STK38L: variants seen among roughly 807,000 people sequenced by gnomAD.
The protein encoded by STK38L is serine/threonine kinase 38 like.
STK38L carries 28 observed loss-of-function variants against 59.7 expected under a neutral mutation model. The ratio of observed to expected loss-of-function variants is 0.47; its 90% confidence interval spans 0.35 to 0.64. STK38L has a LOEUF of 0.64. STK38L is among the 30% of genes least tolerant of loss of function. STK38L has a pLI of 0.01. For synonymous variants in STK38L, 162 were observed against 176.8 expected (o/e 0.92, Z 0.66); for missense variants, 314 against 555.8 (o/e 0.56, Z 4.37).
In STK38L at chr12:27,323,821, TTAATTC is replaced by T. The variant is rs1200145261; in HGVS notation, c.*1373_*1378del. The T allele has an allele frequency of 1.3e-5, 2 of 152,166 alleles. No individual in the cohort carries two copies. The highest frequency in any genetic ancestry group is 2.9e-5 in the Non-Finnish European group (2 of 67,978). The allele number at this position is 152,166 out of a possible 1,614,324, so 9.4% of individuals were successfully genotyped here. Reference sequence around the variant, plus strand: ...AAATAATCTTTTCTAGCTTAATATTTTAATTCTAATTCAAACAACTCTGAGGTTTTG... The same window carrying T: ...AAATAATCTTTTCTAGCTTAATATTTTAATTCAAACAACTCTGAGGTTTTG... On this transcript the variant is annotated 3_prime_UTR_variant, in exon 14 of 14. Coordinates refer to ENST00000389032, the MANE Select transcript of STK38L (RefSeq NM_015000.4).
chr12:27,254,408 C>T (rs573020153), intron 1 of STK38L, among the ~76,000 whole-genome samples: 1 of 152,208 alleles, frequency 6.6e-6, no homozygotes, highest in Non-Finnish European at 1.5e-5. Flanking sequence ...TCTGGTCCTC[C>T]TCTATCCTTG....
chr12:27,276,844 TTTTC>T (rs1013806843), intron 1 of STK38L, among the ~76,000 whole-genome samples: 12 of 152,212 alleles, frequency 7.9e-5, no homozygotes, highest in African/African-American at 2.9e-4. Flanking sequence ...TTACCTCAGA[TTTTC>T]TTTAAGTGAC....
At chr12:27,307,098 T>C (rs1006361803) in intron 3 of STK38L, among the ~76,000 whole-genome samples, 2 of 152,212 alleles carry the variant, frequency 1.3e-5, no homozygotes, top group Non-Finnish European at 1.5e-5. Context: ...ATAGTACCAT[T>C]GTATTTTATA....
chr12:27,266,981 T>A (rs1008263916), intron 1 of STK38L, among the ~76,000 whole-genome samples: 4 of 152,242 alleles, frequency 2.6e-5, no homozygotes, highest in Non-Finnish European at 4.4e-5. Context: ...GTAGAACACA[T>A]TGGACAAATG....
At chr12:27,261,791 C>T (rs1424474880) in intron 1 of STK38L, among the ~76,000 whole-genome samples, 2 of 152,140 alleles carry the variant, frequency 1.3e-5, no homozygotes, top group African/African-American at 2.4e-5. Flanking sequence ...AGCAGTAATG[C>T]CTGCTTCTTG....
intron 1 of STK38L, among the ~76,000 whole-genome samples, chr12:27,272,907 C>T (rs1166775129): frequency 6.6e-6 from 1 of 152,108 alleles, no homozygotes; most frequent in Non-Finnish European, 1.5e-5. Flanking sequence ...GTACTGAAAA[C>T]TTTGGCAGTT....
Position 27,322,999 on chromosome 12 carries a change from A to G in STK38L, c.*544A>G, listed in dbSNP as rs1944767055. ...ACAATTTCTGTAATGGTTTTAAGAG[A>G]TTTAAAAAGAAATTCACTGGTTCTT... On this transcript the variant is annotated 3_prime_UTR_variant, in exon 14 of 14. Coordinates refer to ENST00000389032, the MANE Select transcript of STK38L (RefSeq NM_015000.4). The G allele has an allele frequency of 6.6e-6, 1 of 152,184 alleles. No homozygotes were observed. Among genetic ancestry groups the G allele is most frequent in the Non-Finnish European group, 1.5e-5 (1 of 68,004 alleles). The allele number at this position is 152,184 out of a possible 1,614,324, so 9.4% of individuals were successfully genotyped here. A position where few individuals can be genotyped will look rare whatever the true frequency, so the allele number is the denominator to read the frequency against.
At chr12:27,300,529 C>G in intron 2 of STK38L, 2 of 456,034 alleles carry the variant, frequency 4.4e-6, no homozygotes, top group Non-Finnish European at 4.4e-6. Context: ...TAATGGTCCT[C>G]TTACTCTCTG....
intron 6 of STK38L, among the ~76,000 whole-genome samples, chr12:27,314,189 C>T (rs928821599): frequency 6.6e-6 from 1 of 151,990 alleles, no homozygotes; most frequent in African/African-American, 2.4e-5. Flanking sequence ...TAGCTTGAAA[C>T]CAGGAGTTTG....
intron 5 of STK38L, 113 bp from the exon 6 acceptor site, chr12:27,312,436 C>A: frequency 8.6e-7 from 1 of 1,169,254 alleles, no homozygotes; most frequent in Non-Finnish European, 1.2e-6. Flanking sequence ...ATCAAATCTT[C>A]TGAAACTCCA....
Position 27,308,218 on chromosome 12 carries a change from A to C in STK38L, c.187-121A>C. 1 of 918,208 alleles carries C rather than the reference A, an allele frequency of 1.1e-6. No individual in the cohort carries two copies. The highest frequency in any genetic ancestry group is 2.8e-5 in the South Asian group (1 of 36,328). The allele number at this position is 918,208 out of a possible 1,614,324, so 56.9% of individuals were successfully genotyped here. The stretch of plus-strand genomic sequence containing the variant: ...AGTTTTCTTTAAATTGTTTTAGCCT[A>C]ATAGTATATTACATATTAGTGCTAT... On this transcript the variant is annotated intron_variant, in intron 3 of 13. Transcript: ENST00000389032. This position sits in a 1 kb window ranked among gnomAD's most constrained non-coding sequence, Gnocchi z 4.5.
intron 1 of STK38L, among the ~76,000 whole-genome samples, chr12:27,255,781 T>C (rs1231964281): frequency 6.6e-6 from 1 of 152,196 alleles, no homozygotes. Flanking sequence ...ATAACTTCTC[T>C]GCAATGATGA....
intron 5 of STK38L, among the ~76,000 whole-genome samples, chr12:27,311,016 G>GATCTC (rs1944441613): frequency 6.6e-6 from 1 of 152,136 alleles, no homozygotes; most frequent in African/African-American, 2.4e-5. Flanking sequence ...AATACCAACT[G>GATCTC]ATCTCCTCAC....
intron 2 of STK38L, among the ~76,000 whole-genome samples, chr12:27,301,267 T>A (rs534887452): frequency 2.0e-5 from 3 of 152,124 alleles, no homozygotes; most frequent in Non-Finnish European, 4.4e-5. Context: ...AAAAAATATT[T>A]ATTTATTTAG....
At chr12:27,302,498 T>C (rs1591918800) in intron 3 of STK38L, 1 of 193,718 alleles carries the variant, frequency 5.2e-6, no homozygotes, top group Non-Finnish European at 1.0e-5. Flanking sequence ...AATATTCTTT[T>C]AAAGCTATCT....
chr12:27,249,392 G>A (rs549074494), intron 1 of STK38L, among the ~76,000 whole-genome samples: 23 of 152,164 alleles, frequency 1.5e-4, no homozygotes, highest in African/African-American at 4.6e-4. Context: ...AGGCTGGAGC[G>A]CAATGCATGA....
intron 3 of STK38L, among the ~76,000 whole-genome samples, chr12:27,303,946 T>C (rs992604277): frequency 3.3e-5 from 5 of 152,144 alleles, no homozygotes; most frequent in African/African-American, 7.2e-5. Flanking sequence ...TACTAGGCAA[T>C]AGGGAGTCAC....
chr12:27,296,304 G>A (rs997093854), intron 1 of STK38L, among the ~76,000 whole-genome samples: 2 of 152,172 alleles, frequency 1.3e-5, no homozygotes, highest in African/African-American at 2.4e-5. Flanking sequence ...CAAGTGACAC[G>A]ATCAGCTTCT....
At position 27,325,203 on chromosome 12, in the gene STK38L, C is replaced by T. The variant is rs1296212357; in HGVS notation, c.*2748C>T. 1 of 152,124 alleles carries T rather than the reference C, an allele frequency of 6.6e-6. No individual in the cohort carries two copies. Among genetic ancestry groups the T allele is most frequent in the African/African-American group, 2.4e-5 (1 of 41,444 alleles). The allele number at this position is 152,124 out of a possible 1,614,324, so 9.4% of individuals were successfully genotyped here. On this transcript the variant is annotated 3_prime_UTR_variant, in exon 14 of 14. Coordinates refer to ENST00000389032, the MANE Select transcript of STK38L (RefSeq NM_015000.4). Reference sequence around the variant, plus strand: ...TAAGGAATTGCTTATAAACCAGCCACTTCTGAATACAATATGTAGCTGATT... The same window carrying T: ...TAAGGAATTGCTTATAAACCAGCCATTTCTGAATACAATATGTAGCTGATT...
Sources: gnomAD v4.1 joint callset for allele counts (sites outside exome capture counted in the v4.1 genomes callset) on GRCh38, gnomAD v4.1.1 for gene constraint, Gnocchi (gnomAD v3.1) non-coding constraint, MANE v1.5 for transcripts, NCBI Gene and HGNC (gene_info 2026-07-23, HGNC 2026-07-21) for gene names.